GRIN3B: variants seen among roughly 807,000 people sequenced by gnomAD.
GRIN3B encodes glutamate ionotropic receptor NMDA type subunit 3B.
Under a neutral mutation model 66.0 loss-of-function variants are expected in GRIN3B, and 77 were observed. That is an observed-to-expected ratio of 1.17 (90% CI 0.97 to 1.41). The LOEUF (loss-of-function observed/expected upper bound fraction) is 1.41. Ranked by LOEUF, GRIN3B falls within the 40% of genes most tolerant of loss-of-function variation. GRIN3B has a pLI of 0.00. For missense variants in GRIN3B, 1,787 were observed against 1,564.5 expected, an observed-to-expected ratio of 1.14 and a Z score of -2.40; for synonymous variants, 823 against 749.7, an observed-to-expected ratio of 1.10 and a Z score of -1.60.
At position 1,003,674 on chromosome 19, in the gene GRIN3B, G is replaced by A; in HGVS notation, c.971G>A (p.Gly324Glu). ...CTCCTCCCCGCCCCGGTCAACTGCG[G>A]GGACCTGCAGCCGGCCGGGCCCGAG... ...RALLPAPVNC[G>E]DLQPAGPESP... The change falls in exon 2 of 9, where the codon GGG becomes GAG. Residue 324 changes from glycine (G) to glutamate (E), a missense_variant. Gly to Glu is a moderately conservative substitution (Grantham distance 98). Transcript: ENST00000234389. 1 of 1,407,550 alleles carries A rather than the reference G, an allele frequency of 7.1e-7. No homozygotes were observed. Among genetic ancestry groups the A allele is most frequent in the South Asian group, 1.5e-5 (1 of 65,378 alleles). The allele number at this position is 1,407,550 out of a possible 1,614,324, so 87.2% of individuals were successfully genotyped here.
rs868255308 is a variant in GRIN3B, at chr19:1,008,296, G to C, written c.2466+5G>C. 2.0e-6 allele frequency: 3 copies of C among 1,483,118 alleles called. No homozygotes were observed. Among genetic ancestry groups the C allele is most frequent in the South Asian group, 2.3e-5 (2 of 87,032 alleles). The allele number at this position is 1,483,118 out of a possible 1,614,324, so 91.9% of individuals were successfully genotyped here. The stretch of plus-strand genomic sequence containing the variant: ...CGGGTCTTTGCGGTTACAGAGGTGG[G>C]GCAGGGCCTGGGACAGAGGGTGGGG... On this transcript the variant is annotated splice_donor_5th_base_variant and intron_variant, in intron 6 of 8. Coordinates refer to ENST00000234389, the MANE Select transcript of GRIN3B (RefSeq NM_138690.3).
rs1049991426 is a variant in GRIN3B, at chr19:1,007,419, C to T, written c.2053-209C>T. Among the ~76,000 whole-genome samples, 2 of 151,982 alleles carry T rather than the reference C, an allele frequency of 1.3e-5. No individual in the cohort carries two copies. The highest frequency in any genetic ancestry group is 2.9e-5 in the Non-Finnish European group (2 of 67,936). On this transcript the variant is annotated intron_variant, in intron 3 of 8. Coordinates refer to ENST00000234389, the MANE Select transcript of GRIN3B (RefSeq NM_138690.3). This position sits in a 1 kb window ranked among gnomAD's most constrained non-coding sequence, Gnocchi z 4.4. Reference sequence around the variant, plus strand: ...CCACCCGGGGTGATCCTGCCCCCCGCCCCAGGGGACCCTGGACAGTGTGTG... The same window carrying T: ...CCACCCGGGGTGATCCTGCCCCCCGTCCCAGGGGACCCTGGACAGTGTGTG...
At position 1,005,139 on chromosome 19, in the gene GRIN3B, C is replaced by A. The variant is rs1302882683; in HGVS notation, c.1638C>A (p.Ser546Arg). The change falls in exon 3 of 9, where the codon AGC becomes AGA. Residue 546 changes from serine (S) to arginine (R), a missense_variant. Ser to Arg is a moderately radical substitution (Grantham distance 110). Transcript: ENST00000234389. This position sits in a 1 kb window ranked among gnomAD's most constrained non-coding sequence, Gnocchi z 5.2. ...GCTCACAGGTGGTGGACTTCACCAG[C>A]CCCTTCTTCTCCACCAGCCTGGGCA... ...SARSQVVDFT[S>R]PFFSTSLGIM... 6.2e-7 allele frequency: 1 copy of A among 1,613,278 alleles called. No homozygotes were observed. Among genetic ancestry groups the A allele is most frequent in the Non-Finnish European group, 8.5e-7 (1 of 1,179,958 alleles).
In GRIN3B at chr19:1,000,570, C is replaced by G; in HGVS notation, c.133C>G (p.Arg45Gly). The change falls in exon 1 of 9, where the codon CGC becomes GGC. Residue 45 changes from arginine to glycine, a missense_variant. Physicochemically the swap from Arg to Gly is moderately radical, Grantham distance 125 (BLOSUM62 -2). Coordinates refer to ENST00000234389, the MANE Select transcript of GRIN3B (RefSeq NM_138690.3). Reference protein sequence around the residue: ...GSVRLGALLPRAPLARARARA... With the variant: ...GSVRLGALLPGAPLARARARA... Reference sequence around the variant, plus strand: ...CGTGCGCCTGGGCGCCCTCCTGCCCCGCGCGCCTCTCGCCCGCGCCCGCGC... The same window carrying G: ...CGTGCGCCTGGGCGCCCTCCTGCCCGGCGCGCCTCTCGCCCGCGCCCGCGC... 1 of 1,047,818 alleles carries G rather than the reference C, an allele frequency of 9.5e-7. No individual in the cohort carries two copies. The highest frequency in any genetic ancestry group is 1.1e-6 in the Non-Finnish European group (1 of 872,652). The allele number at this position is 1,047,818 out of a possible 1,614,324, so 64.9% of individuals were successfully genotyped here. A position where few individuals can be genotyped will look rare whatever the true frequency, so the allele number is the denominator to read the frequency against.
rs1225418259 is a variant in GRIN3B, at chr19:1,009,454, A to G, written c.2984A>G (p.Glu995Gly). ...GAGCGCCGCATCGAAGTCGCGCGTG[A>G]GCGGCTCCGCCAGGCCCTGGTGCGG... is the stretch of plus-strand genomic sequence containing the variant. ...ELERRIEVAR[E>G]RLRQALVRRG... is the part of the protein sequence containing the mutation. The change falls in exon 9 of 9, where the codon GAG (glutamate) becomes GGG (glycine). Residue 995 changes from glutamate (E) to glycine (G), a missense_variant. Glu to Gly is a moderately conservative substitution (Grantham distance 98). Coordinates refer to ENST00000234389, the MANE Select transcript of GRIN3B (RefSeq NM_138690.3). The G allele has an allele frequency of 6.8e-7, 1 of 1,475,174 alleles. No individual in the cohort carries two copies. The highest frequency in any genetic ancestry group is 2.3e-5 in the Admixed American group (1 of 42,704). 91.4% of individuals were successfully genotyped at this position (1,475,174 alleles called of 1,614,324 possible). A position where few individuals can be genotyped will look rare whatever the true frequency, so the allele number is the denominator to read the frequency against.
Position 1,008,158 on chromosome 19 carries a change from C to T in GRIN3B, c.2333C>T (p.Pro778Leu), listed in dbSNP as rs2038779984. The change falls in exon 6 of 9, where the codon CCC (proline) becomes CTC (leucine). Residue 778 changes from proline (P) to leucine (L), a missense_variant. Physicochemically the swap from Pro to Leu is moderately conservative, Grantham distance 98. Coordinates refer to ENST00000234389, the MANE Select transcript of GRIN3B (RefSeq NM_138690.3). Reference sequence around the variant, plus strand: ...CCCCCAGGCTATGGGATCGGACTGCCCCAGAACTCGCCGCTCACCTCCAAC... The same window carrying T: ...CCCCCAGGCTATGGGATCGGACTGCTCCAGAACTCGCCGCTCACCTCCAAC... Reference protein sequence around the residue: ...FAIEGYGIGLPQNSPLTSNLS... With the variant: ...FAIEGYGIGLLQNSPLTSNLS... 1.3e-6 allele frequency: 2 copies of T among 1,599,892 alleles called. No individual in the cohort carries two copies. Among genetic ancestry groups the T allele is most frequent in the Non-Finnish European group, 1.7e-6 (2 of 1,174,016 alleles).
In GRIN3B at chr19:1,007,466, C is replaced by T. The variant is rs768890753; in HGVS notation, c.2053-162C>T. Among the ~76,000 whole-genome samples, 20 of 151,852 alleles carry T rather than the reference C, an allele frequency of 1.3e-4. No homozygotes were observed. Among genetic ancestry groups the T allele is most frequent in the Non-Finnish European group, 2.5e-4 (17 of 67,856 alleles). On this transcript the variant is annotated intron_variant, in intron 3 of 8. Transcript: ENST00000234389. This position sits in a 1 kb window ranked among gnomAD's most constrained non-coding sequence, Gnocchi z 4.4. ...TGTGTCTAGAGACAGCTGTGGTGGT[C>T]ACGCCTGGGGTGTGCTCTGGGCATG...
rs779874601 is a variant in GRIN3B at position 1,005,409 on chromosome 19, G to A, written c.1908G>A (p.Thr636=). 2.5e-6 allele frequency: 4 copies of A among 1,613,646 alleles called. No homozygotes were observed. The highest frequency in any genetic ancestry group is 2.2e-5 in the South Asian group (2 of 91,084). Residue 636 remains threonine, a synonymous_variant, in exon 3 of 9, where the codon ACG becomes ACA. Transcript: ENST00000234389. This position sits in a 1 kb window ranked among gnomAD's most constrained non-coding sequence, Gnocchi z 5.2. ...ILFRRTVSSK[T]PKCPTGRLLM... Reference sequence around the variant, plus strand: ...TCAGACGCACCGTGTCCAGCAAGACGCCCAAGTGCCCCACGGGCCGCCTGC... The same window carrying A: ...TCAGACGCACCGTGTCCAGCAAGACACCCAAGTGCCCCACGGGCCGCCTGC...
At chr19:1,000,900 C>A in intron 1 of GRIN3B, 37 bp downstream of exon 1, 1 of 1,349,646 alleles carries the variant, frequency 7.4e-7, no homozygotes, top group South Asian at 1.7e-5. Context: ...GAGGGGGACC[C>A]GGGGCGGGAG....
rs372793600 is a variant in GRIN3B at position 1,008,157 on chromosome 19, C to A, written c.2332C>A (p.Pro778Thr). The change falls in exon 6 of 9, where the codon CCC (proline) becomes ACC (threonine). Residue 778 changes from proline to threonine, a missense_variant. Transcript: ENST00000234389. The part of the protein sequence containing the change: ...FAIEGYGIGL[P>T]QNSPLTSNLS... ...GCCCCCAGGCTATGGGATCGGACTGCCCCAGAACTCGCCGCTCACCTCCAA... is the reference window on the plus strand; with the variant it reads ...GCCCCCAGGCTATGGGATCGGACTGACCCAGAACTCGCCGCTCACCTCCAA... 3.8e-6 allele frequency: 6 copies of A among 1,599,038 alleles called. No homozygotes were observed. Among genetic ancestry groups the A allele is most frequent in the Non-Finnish European group, 5.1e-6 (6 of 1,173,524 alleles).
In GRIN3B at chr19:1,003,270, C is replaced by T. The variant is rs1473372164; in HGVS notation, c.567C>T (p.Ala189=). ...CRTQDPGGLV[A]LWTSRAGRPP... is the part of the protein sequence containing the mutation. ...CTCAGGACCCCGGCGGCCTGGTGGC[C>T]CTCTGGACAAGCCGGGCTGGCCGGC... Residue 189 remains alanine (A), a synonymous_variant, in exon 2 of 9, where the codon GCC becomes GCT. Transcript: ENST00000234389. 2.5e-6 allele frequency: 4 copies of T among 1,573,832 alleles called. No individual in the cohort carries two copies. The highest frequency in any genetic ancestry group is 2.3e-5 in the South Asian group (2 of 86,344).
chr19:1,005,188 G>T lies in GRIN3B; in HGVS notation c.1687G>T (p.Ala563Ser). Residue 563 changes from alanine to serine, a missense_variant, in exon 3 of 9, where the codon GCC (alanine) becomes TCC (serine). Physicochemically the swap from Ala to Ser is moderately conservative, Grantham distance 99. Coordinates refer to ENST00000234389, the MANE Select transcript of GRIN3B (RefSeq NM_138690.3). This position sits in a 1 kb window ranked among gnomAD's most constrained non-coding sequence, Gnocchi z 5.2. ...LGIMVRARDTASPIGAFMWPL... is the reference protein window; with the variant it reads ...LGIMVRARDTSSPIGAFMWPL... ...CATCATGGTGCGGGCACGGGACACG[G>T]CCTCACCCATCGGTGCCTTTATGTG... The T allele has an allele frequency of 6.2e-7, 1 of 1,613,558 alleles. No individual in the cohort carries two copies. The highest frequency in any genetic ancestry group is 8.5e-7 in the Non-Finnish European group (1 of 1,179,974).
At chr19:1,001,553 C>A (rs184594225) in intron 1 of GRIN3B, among the ~76,000 whole-genome samples, 7 of 152,110 alleles carry the variant, frequency 4.6e-5, no homozygotes, top group South Asian at 4.2e-4. Context: ...GTTGTCCCCC[C>A]CAACAGGGCT....
chr19:1,007,859 C>A lies in GRIN3B; in HGVS notation c.2202C>A (p.Ser734Arg). Residue 734 changes from serine (S) to arginine (R), a missense_variant, in exon 5 of 9, where the codon AGC becomes AGA. Physicochemically the swap from Ser to Arg is moderately radical, Grantham distance 110. Coordinates refer to ENST00000234389, the MANE Select transcript of GRIN3B (RefSeq NM_138690.3). The surrounding 1 kb of genome is among the most constrained non-coding windows in gnomAD (Gnocchi z 4.4). ...CCCCCGCCCCCGGCCCCAGCAGGAG[C>A]GACCCCCCCAAGCTCAACGCCTTCA... ...TTPRGVAMLT[S>R]DPPKLNAFIM... 2 of 1,606,838 alleles carry A rather than the reference C, an allele frequency of 1.2e-6. No individual in the cohort carries two copies. The highest frequency in any genetic ancestry group is 1.7e-6 in the Non-Finnish European group (2 of 1,176,120).
In GRIN3B at chr19:1,005,822, T is replaced by G. The variant is rs978282174; in HGVS notation, c.2052+269T>G. On this transcript the variant is annotated intron_variant, in intron 3 of 8. Transcript: ENST00000234389. The surrounding 1 kb of genome is among the most constrained non-coding windows in gnomAD (Gnocchi z 5.2). The stretch of plus-strand genomic sequence containing the variant: ...TCGAACTGGAGCCTGGCCAACATGG[T>G]GAAACCCCATCTTTACTAAAAAATA... Among the ~76,000 whole-genome samples, 9 of 151,590 alleles carry G rather than the reference T, an allele frequency of 5.9e-5. No homozygotes were observed. Among genetic ancestry groups the G allele is most frequent in the Non-Finnish European group, 1.3e-4 (9 of 67,948 alleles).
rs10401454 is a variant in GRIN3B at position 1,009,586 on chromosome 19, C to A, written c.3116C>A (p.Pro1039Gln). The A allele has an allele frequency of 2.8e-6, 4 of 1,439,788 alleles. No individual in the cohort carries two copies. Among genetic ancestry groups the A allele is most frequent in the African/African-American group, 1.5e-5 (1 of 67,106 alleles). The allele number at this position is 1,439,788 out of a possible 1,614,324, so 89.2% of individuals were successfully genotyped here. Residue 1039 changes from proline to glutamine, a missense_variant, in exon 9 of 9, where the codon CCG (proline) becomes CAG (glutamine). Coordinates refer to ENST00000234389, the MANE Select transcript of GRIN3B (RefSeq NM_138690.3). ...GAGGCCCCACCACACTCTGGCCGAC[C>A]GGGGAGCCAGGAATGAGGCGGCAGC... ...PAEAPPHSGR[P>Q]GSQE
chr19:1,003,735 C>T lies in GRIN3B; in HGVS notation c.1019+13C>T. On this transcript the variant is annotated intron_variant, in intron 2 of 8. Transcript: ENST00000234389. Reference sequence around the variant, plus strand: ...GCTTCTTGGCACGGTGAGTGGGGACCCTGCTTCCCTTAGGAGGGTGTCCAG... The same window carrying T: ...GCTTCTTGGCACGGTGAGTGGGGACTCTGCTTCCCTTAGGAGGGTGTCCAG... 3 of 1,395,412 alleles carry T rather than the reference C, an allele frequency of 2.1e-6. No homozygotes were observed. Among genetic ancestry groups the T allele is most frequent in the Non-Finnish European group, 2.8e-6 (3 of 1,079,872 alleles). 86.4% of individuals were successfully genotyped at this position (1,395,412 alleles called of 1,614,324 possible).
Position 1,003,703 on chromosome 19 carries a change from C to A in GRIN3B, c.1000C>A (p.Pro334Thr). Reference protein sequence around the residue: ...GDLQPAGPESPGRFLARFLAN... With the variant: ...GDLQPAGPESTGRFLARFLAN... ...CCTGCAGCCGGCCGGGCCCGAGTCCCCGGGGCGCTTCTTGGCACGGTGAGT... is the reference window on the plus strand; with the variant it reads ...CCTGCAGCCGGCCGGGCCCGAGTCCACGGGGCGCTTCTTGGCACGGTGAGT... Residue 334 changes from proline to threonine, a missense_variant, in exon 2 of 9, where the codon CCG becomes ACG. Physicochemically the swap from Pro to Thr is conservative, Grantham distance 38. Coordinates refer to ENST00000234389, the MANE Select transcript of GRIN3B (RefSeq NM_138690.3). 1 of 1,403,928 alleles carries A rather than the reference C, an allele frequency of 7.1e-7. No individual in the cohort carries two copies. The highest frequency in any genetic ancestry group is 9.2e-7 in the Non-Finnish European group (1 of 1,085,938). 87.0% of individuals were successfully genotyped at this position (1,403,928 alleles called of 1,614,324 possible).
Position 1,000,957 on chromosome 19 carries a change from G to A in GRIN3B, c.426+94G>A, listed in dbSNP as rs1599454199. 1.6e-5 allele frequency: 20 copies of A among 1,246,838 alleles called. No homozygotes were observed. The East Asian group carries it at 6.4e-4, about 40-fold the overall frequency. The allele number at this position is 1,246,838 out of a possible 1,614,324, so 77.2% of individuals were successfully genotyped here. On this transcript the variant is annotated intron_variant, in intron 1 of 8. Coordinates refer to ENST00000234389, the MANE Select transcript of GRIN3B (RefSeq NM_138690.3). ...CGTCCGGAGTCAGGATGGGGGTGCC[G>A]GGACTACGCAGGGAAGGGGGATCCC... is the stretch of plus-strand genomic sequence containing the variant.
Sources: gnomAD v4.1 joint callset for allele counts (sites outside exome capture counted in the v4.1 genomes callset) on GRCh38, gnomAD v4.1.1 for gene constraint, Gnocchi (gnomAD v3.1) non-coding constraint, MANE v1.5 for transcripts, NCBI Gene and HGNC (gene_info 2026-07-23, HGNC 2026-07-21) for gene names.